The following TMEM229B variants were observed in gnomAD, a reference collection of about 807,000 sequenced individuals.
TMEM229B encodes the protein chromosome 14 open reading frame 83.
Under a neutral mutation model 13.7 loss-of-function variants are expected in TMEM229B, and 6 were observed. The ratio of observed to expected loss-of-function variants is 0.44; its 90% CI spans 0.24 to 0.86. The LOEUF (loss-of-function observed/expected upper bound fraction) is 0.86, where lower values mean the gene tolerates loss of function less well. Among genes scored for constraint, TMEM229B ranks in the 40% least tolerant of loss-of-function variants. The probability of loss-of-function intolerance (pLI) is 0.23; values close to 1 mark genes in which losing one functional copy is unlikely to be tolerated. For missense variants in TMEM229B, 170 were observed against 236.0 expected (o/e 0.72, Z 1.83); for synonymous variants, 107 against 102.1 (o/e 1.05, Z -0.29).
chr14:67,527,746 G>A (rs561403949), intron 1 of TMEM229B, among the ~76,000 whole-genome samples: 1 of 152,318 alleles, frequency 6.6e-6, no homozygotes, highest in African/African-American at 2.4e-5. Flanking sequence ...TGGCAGCCAC[G>A]AAGGTCCTGC....
intron 1 of TMEM229B, among the ~76,000 whole-genome samples, chr14:67,522,868 C>T (rs1027748284): frequency 6.6e-6 from 1 of 152,228 alleles, no homozygotes; most frequent in Non-Finnish European, 1.5e-5. Flanking sequence ...CTGCCACCTT[C>T]AGGAAAGGCT....
At chr14:67,478,578 G>A (rs2031374463) in intron 2 of TMEM229B, among the ~76,000 whole-genome samples, 1 of 152,166 alleles carries the variant, frequency 6.6e-6, no homozygotes, top group Admixed American at 6.6e-5. Flanking sequence ...GCCCATGAGT[G>A]GATCTTCAAC....
chr14:67,499,847 A>C (rs1274538699), intron 1 of TMEM229B, among the ~76,000 whole-genome samples: 2 of 151,016 alleles, frequency 1.3e-5, no homozygotes, highest in African/African-American at 2.4e-5. Flanking sequence ...AAAGGGTTAA[A>C]AAAAAAAAGT....
At chr14:67,527,918 G>A (rs984865466) in intron 1 of TMEM229B, among the ~76,000 whole-genome samples, 3 of 152,192 alleles carry the variant, frequency 2.0e-5, no homozygotes, top group Middle Eastern at 3.2e-3. Context: ...CTTTGAGGAG[G>A]GGAGGTCAAG....
At chr14:67,481,730 C>G (rs1309468908) in intron 2 of TMEM229B, among the ~76,000 whole-genome samples, 2 of 152,194 alleles carry the variant, frequency 1.3e-5, no homozygotes, top group African/African-American at 4.8e-5. Flanking sequence ...GGCCTCTATT[C>G]CCTGCCCCGG....
At chr14:67,481,586 A>G (rs1594684031) in intron 2 of TMEM229B, among the ~76,000 whole-genome samples, 2 of 152,338 alleles carry the variant, frequency 1.3e-5, no homozygotes, top group Middle Eastern at 6.8e-3. Flanking sequence ...GGGGAAGATG[A>G]TAATATTAGA....
chr14:67,531,920 A>T (rs1043302995), intron 1 of TMEM229B, among the ~76,000 whole-genome samples: 15 of 151,320 alleles, frequency 9.9e-5, no homozygotes, highest in African/African-American at 3.4e-4. Flanking sequence ...CAAAAAAAAA[A>T]AAAAAAAAAA....
intron 1 of TMEM229B, among the ~76,000 whole-genome samples, chr14:67,527,433 C>T (rs936678021): frequency 6.6e-6 from 1 of 151,732 alleles, no homozygotes; most frequent in African/African-American, 2.4e-5. Flanking sequence ...AGTGAAACTC[C>T]ATCTCAAAAA....
chr14:67,514,860 C>T (rs1163366470), intron 1 of TMEM229B, among the ~76,000 whole-genome samples: 3 of 152,210 alleles, frequency 2.0e-5, no homozygotes, highest in Non-Finnish European at 4.4e-5. Context: ...ATCCAAGCCC[C>T]GGGCGCACCA....
chr14:67,509,598 C>T (rs1371202354), intron 1 of TMEM229B, among the ~76,000 whole-genome samples: 2 of 152,204 alleles, frequency 1.3e-5, no homozygotes, highest in Non-Finnish European at 1.5e-5. Context: ...GGATTACAGG[C>T]ATGAGCCACC....
intron 1 of TMEM229B, among the ~76,000 whole-genome samples, chr14:67,497,040 C>T (rs887248886): frequency 1.3e-5 from 2 of 151,940 alleles, no homozygotes; most frequent in African/African-American, 4.8e-5. Context: ...GATCGGCCCG[C>T]CTCAGCCTCC....
chr14:67,505,422 A>T (rs1395368368), intron 1 of TMEM229B, among the ~76,000 whole-genome samples: 3 of 152,174 alleles, frequency 2.0e-5, no homozygotes, highest in Non-Finnish European at 4.4e-5. Flanking sequence ...AGACATCCAA[A>T]GGGTGGGACA....
chr14:67,508,780 A>T (rs1344199293), intron 1 of TMEM229B, among the ~76,000 whole-genome samples: 1 of 151,510 alleles, frequency 6.6e-6, no homozygotes, highest in Non-Finnish European at 1.5e-5. Context: ...AACAGAAGAC[A>T]ATTAACTTGC....
At chr14:67,496,699 T>A (rs1213859223) in intron 1 of TMEM229B, among the ~76,000 whole-genome samples, 3 of 149,318 alleles carry the variant, frequency 2.0e-5, no homozygotes, top group Non-Finnish European at 4.5e-5. Context: ...TTCTTCCTAT[T>A]CTTTTCCCTT....
At chr14:67,480,295 C>A (rs1341613714) in intron 2 of TMEM229B, among the ~76,000 whole-genome samples, 1 of 152,082 alleles carries the variant, frequency 6.6e-6, no homozygotes, top group African/African-American at 2.4e-5. Context: ...CCCTGAGCAC[C>A]AAGCTAGCGA....
chr14:67,533,587 C>T (rs922870934), intron 1 of TMEM229B: 18 of 152,106 alleles, frequency 1.2e-4, no homozygotes, highest in Admixed American at 9.2e-4. Context: ...AGCCGGGCGC[C>T]CCAGGGGACT....
chr14:67,532,683 A>C (rs2033504139), intron 1 of TMEM229B, among the ~76,000 whole-genome samples: 1 of 152,180 alleles, frequency 6.6e-6, no homozygotes, highest in African/African-American at 2.4e-5. Context: ...CGAGACCAGA[A>C]AATAAGCAAG....
At chr14:67,486,060 G>A (rs1468670615) in intron 2 of TMEM229B, among the ~76,000 whole-genome samples, 4 of 152,206 alleles carry the variant, frequency 2.6e-5, no homozygotes, top group East Asian at 3.8e-4. Flanking sequence ...GAAGCCTGAC[G>A]GCCAAAGTAG....
At chr14:67,488,860 G>A (rs180898482), upstream of TMEM229B, 1 of 152,344 alleles carries the variant, frequency 6.6e-6, no homozygotes, top group East Asian at 1.9e-4. Context: ...TCCTTTTGAG[G>A]GCAGTGTCCC....
Sources: allele counts gnomAD v4.1 joint callset (sites outside exome capture counted in the v4.1 genomes callset), GRCh38; gene constraint gnomAD v4.1.1; transcripts MANE v1.5; gene names NCBI Gene and HGNC (gene_info 2026-07-23, HGNC 2026-07-21).